Variants in HGS observed in about 807,000 individuals in gnomAD.
HGS encodes hepatocyte growth factor-regulated tyrosine kinase substrate.
HGS carries 63 observed loss-of-function variants against 109.7 expected under a neutral mutation model. That is an observed-to-expected ratio of 0.57 (90% CI 0.47 to 0.71). HGS has a LOEUF of 0.71. Ranked by LOEUF, HGS falls within the 30% of genes least tolerant of loss-of-function variation. HGS has a pLI of 0.00. For synonymous variants in HGS, 546 were observed against 437.3 expected, an observed-to-expected ratio of 1.25 and a Z score of -3.10; for missense variants, 995 against 1,068.3, an observed-to-expected ratio of 0.93 and a Z score of 0.96.
rs1303208987 is a variant in HGS at position 81,691,659 on chromosome 17, C to T, written c.662+88C>T. 6.5e-7 allele frequency: 1 copy of T among 1,530,638 alleles called. No individual in the cohort carries two copies. Among genetic ancestry groups the T allele is most frequent in the Non-Finnish European group, 9.0e-7 (1 of 1,114,266 alleles). The allele number at this position is 1,530,638 out of a possible 1,614,324, so 94.8% of individuals were successfully genotyped here. A position where few individuals can be genotyped will look rare whatever the true frequency, so the allele number is the denominator to read the frequency against. On this transcript the variant is annotated intron_variant, in intron 8 of 21. Transcript: ENST00000329138. The surrounding 1 kb of genome is among the most constrained non-coding windows in gnomAD (Gnocchi z 5.3). Reference sequence around the variant, plus strand: ...CCCTCTTGGCCATGGTGCCTGAGGCCTGCAGACCCCAGAGGACCCTCACAG... The same window carrying T: ...CCCTCTTGGCCATGGTGCCTGAGGCTTGCAGACCCCAGAGGACCCTCACAG...
Position 81,701,452 on chromosome 17 carries a change from C to T in HGS, c.2224-56C>T. On this transcript the variant is annotated intron_variant, in intron 21 of 21. Coordinates refer to ENST00000329138, the MANE Select transcript of HGS (RefSeq NM_004712.5). ...GTGGCTCTGCTGGGACAAAAGCCTTCCTCCCTGGGCTGGGGAAGGGAGGAC... is the reference window on the plus strand; with the variant it reads ...GTGGCTCTGCTGGGACAAAAGCCTTTCTCCCTGGGCTGGGGAAGGGAGGAC... 1.5e-5 allele frequency: 22 copies of T among 1,498,270 alleles called. No homozygotes were observed. In the South Asian group the frequency reaches 2.4e-4, roughly 16 times the overall value. The allele number at this position is 1,498,270 out of a possible 1,614,324, so 92.8% of individuals were successfully genotyped here.
intron 15 of HGS, 131 bp from the exon 16 acceptor site, chr17:81,696,226 C>T: frequency 2.4e-6 from 3 of 1,259,280 alleles, no homozygotes; most frequent in Admixed American, 5.7e-5. Flanking sequence ...CTGCCTCCCC[C>T]AGAGCCCAGC....
At position 81,701,821 on chromosome 17, in the gene HGS, C is replaced by T. The variant is rs2037243005; in HGVS notation, c.*203C>T. On this transcript the variant is annotated 3_prime_UTR_variant, in exon 22 of 22. Coordinates refer to ENST00000329138, the MANE Select transcript of HGS (RefSeq NM_004712.5). ...TGAGTTAGTCTCTGCTTTCTTTCCC[C>T]AGGGCTGGGCCATGGGGAGGGAAGG... 1 of 722,634 alleles carries T rather than the reference C, an allele frequency of 1.4e-6. No individual in the cohort carries two copies. Among genetic ancestry groups the T allele is most frequent in the Non-Finnish European group, 2.1e-6 (1 of 483,406 alleles). 44.8% of individuals were successfully genotyped at this position (722,634 alleles called of 1,614,324 possible).
In HGS at chr17:81,691,314, C is replaced by G; in HGVS notation, c.538-133C>G. 2.7e-6 allele frequency: 3 copies of G among 1,121,366 alleles called. No homozygotes were observed. The highest frequency in any genetic ancestry group is 3.9e-6 in the Non-Finnish European group (3 of 765,382). 69.5% of individuals were successfully genotyped at this position (1,121,366 alleles called of 1,614,324 possible). A position where few individuals can be genotyped will look rare whatever the true frequency, so the allele number is the denominator to read the frequency against. ...CCCGGCCTTAGGGTCTTCCCAGGCA[C>G]TTGTTCTGCTTGTCCCTTGCCTTCC... On this transcript the variant is annotated intron_variant, in intron 7 of 21. Transcript: ENST00000329138. The surrounding 1 kb of genome is among the most constrained non-coding windows in gnomAD (Gnocchi z 5.3).
intron 18 of HGS, among the ~76,000 whole-genome samples, chr17:81,700,178 A>G (rs1185821439): frequency 6.6e-6 from 1 of 151,870 alleles, no homozygotes; most frequent in Non-Finnish European, 1.5e-5. Context: ...AATCCTGGCC[A>G]ACATGATGAA....
rs1247706914 is a variant in HGS, at chr17:81,691,911, G to A, written c.662+340G>A. 2.4e-5 allele frequency: 5 copies of A among 211,264 alleles called. No homozygotes were observed. Among genetic ancestry groups the A allele is most frequent in the South Asian group, 9.1e-5 (1 of 11,008 alleles). The allele number at this position is 211,264 out of a possible 1,614,324, so 13.1% of individuals were successfully genotyped here. Reference sequence around the variant, plus strand: ...AGTAGCACAGAGAAGCTGCGGGGCCGCGGCCAGTGCCTCAGCGGTGGGAAC... The same window carrying A: ...AGTAGCACAGAGAAGCTGCGGGGCCACGGCCAGTGCCTCAGCGGTGGGAAC... On this transcript the variant is annotated intron_variant, in intron 8 of 21. Coordinates refer to ENST00000329138, the MANE Select transcript of HGS (RefSeq NM_004712.5). This position sits in a 1 kb window ranked among gnomAD's most constrained non-coding sequence, Gnocchi z 5.3.
intron 18 of HGS, among the ~76,000 whole-genome samples, chr17:81,698,693 G>C (rs576873547): frequency 1.3e-5 from 2 of 152,324 alleles, no homozygotes; most frequent in South Asian, 4.1e-4. Context: ...GACAGAGCTG[G>C]AAAGTGTGTA....
Position 81,690,213 on chromosome 17 carries a change from T to C in HGS, c.447T>C (p.Asp149=), listed in dbSNP as rs1217933385. The change falls in exon 6 of 22, where the codon GAT becomes GAC. Residue 149 remains aspartate, a synonymous_variant. Transcript: ENST00000329138. ...GHVFPEFKES[D]AMFAAERAPD... The stretch of plus-strand genomic sequence containing the variant: ...TCTTTCCAGAATTCAAAGAGAGCGA[T>C]GCCATGTTTGCTGCCGAGAGAGTGA... 1 of 1,613,748 alleles carries C rather than the reference T, an allele frequency of 6.2e-7. No homozygotes were observed. Among genetic ancestry groups the C allele is most frequent in the African/African-American group, 1.3e-5 (1 of 74,914 alleles).
At chr17:81,686,979 C>T in intron 3 of HGS, 24 bp from the exon 4 acceptor site, 1 of 1,601,408 alleles carries the variant, frequency 6.2e-7, no homozygotes, top group African/African-American at 1.3e-5. Flanking sequence ...CTGGCCCAAC[C>T]CTTCCCTTCC....
Position 81,696,676 on chromosome 17 carries a change from C to G in HGS, c.1636C>G (p.Arg546Gly). 1 of 1,611,462 alleles carries G rather than the reference C, an allele frequency of 6.2e-7. No individual in the cohort carries two copies. Residue 546 changes from arginine to glycine, a missense_variant, in exon 17 of 22, where the codon CGG (arginine) becomes GGG (glycine). Around this residue, in one of 6 missense-constraint regions of HGS, gnomAD observed 163 missense variants for 217.8 expected, o/e 0.75. Transcript: ENST00000329138. The stretch of plus-strand genomic sequence containing the variant: ...GGAGCAGGAGAAGGAGCGGCAGATG[C>G]GGCTGGAGCAGCAGAAGCAGACGGT... ...LQEQEKERQM[R>G]LEQQKQTVQM... is the part of the protein sequence containing the mutation.
At position 81,693,973 on chromosome 17, in the gene HGS, G is replaced by T; in HGVS notation, c.936+8G>T. 1 of 1,601,600 alleles carries T rather than the reference G, an allele frequency of 6.2e-7. No homozygotes were observed. ...CTGTACTCTTCACCTGTGGTGAGCG[G>T]CCCTTGGGCTGGAGCTCCCTCTCCT... is the stretch of plus-strand genomic sequence containing the variant. On this transcript the variant is annotated splice_region_variant and intron_variant, in intron 11 of 21. Coordinates refer to ENST00000329138, the MANE Select transcript of HGS (RefSeq NM_004712.5).
chr17:81,695,341 G>C (rs1253175193), intron 14 of HGS, 118 bp downstream of exon 14: 3 of 1,121,734 alleles, frequency 2.7e-6, no homozygotes, highest in Non-Finnish European at 3.9e-6. Flanking sequence ...AAGGGTGTCT[G>C]CCCCAGCCCA....
intron 4 of HGS, among the ~76,000 whole-genome samples, chr17:81,688,076 A>G (rs1410757540): frequency 1.3e-5 from 2 of 152,118 alleles, no homozygotes; most frequent in African/African-American, 4.8e-5. Flanking sequence ...GGGGTTCTGG[A>G]AAGGAGCTTA....
rs563334336 is a variant in HGS, at chr17:81,691,248, CGGT to C, written c.538-196_538-194del. Reference sequence around the variant, plus strand: ...TTAACTTACCTTATTTTCCCCAAAACGGTGGCTGGCGTTGAGACTCCCGGGAGC... The same window carrying C: ...TTAACTTACCTTATTTTCCCCAAAACGGCTGGCGTTGAGACTCCCGGGAGC... On this transcript the variant is annotated intron_variant, in intron 7 of 21. Coordinates refer to ENST00000329138, the MANE Select transcript of HGS (RefSeq NM_004712.5). The surrounding 1 kb of genome is among the most constrained non-coding windows in gnomAD (Gnocchi z 5.3). 3,310 of 611,228 alleles carry C rather than the reference CGGT, an allele frequency of 5.4e-3. 21 individuals carry two copies. The highest frequency in any genetic ancestry group is 8.2e-3 in the Middle Eastern group (18 of 2,184). 37.9% of individuals were successfully genotyped at this position (611,228 alleles called of 1,614,324 possible).
Position 81,701,564 on chromosome 17 carries a change from G to T in HGS, c.2280G>T (p.Gln760His). ...AGCCCCCCGTGGCCCAGCAACCGCA[G>T]GCACAGGGGCCGCCGGCACAGGGCA... Reference protein sequence around the residue: ...QQQPPVAQQPQAQGPPAQGSE... With the variant: ...QQQPPVAQQPHAQGPPAQGSE... The change falls in exon 22 of 22, where the codon CAG (glutamine) becomes CAT (histidine). Residue 760 changes from glutamine to histidine, a missense_variant. Gln to His is a conservative substitution (Grantham distance 24). This residue lies in a region of HGS where 326 missense variants were observed against 309.7 expected (regional missense o/e 1.05). Transcript: ENST00000329138. 1 of 1,572,134 alleles carries T rather than the reference G, an allele frequency of 6.4e-7. No individual in the cohort carries two copies. Among genetic ancestry groups the T allele is most frequent in the East Asian group, 2.3e-5 (1 of 42,992 alleles).
At chr17:81,690,339 G>A (rs1333114655) in intron 6 of HGS, 105 bp downstream of exon 6, 17 of 1,179,482 alleles carry the variant, frequency 1.4e-5, no homozygotes, top group Admixed American at 5.3e-5. Context: ...CTGAGCTCTC[G>A]TCTGTCTGGG....
At chr17:81,701,310 C>G (rs868265043) in intron 21 of HGS, 179 bp downstream of exon 21, 3 of 787,238 alleles carry the variant, frequency 3.8e-6, no homozygotes, top group Non-Finnish European at 6.1e-6. Flanking sequence ...AGGGCAGATA[C>G]GCGCATCCGC....
At chr17:81,686,264 C>A (rs1344426681) in intron 2 of HGS, 48 bp from the exon 3 acceptor site, 3 of 1,503,240 alleles carry the variant, frequency 2.0e-6, no homozygotes, top group Non-Finnish European at 2.8e-6. Flanking sequence ...GTTGCTGAGA[C>A]TATTTTTTTC....
chr17:81,695,290 T>C, intron 14 of HGS, 67 bp downstream of exon 14: 1 of 1,527,890 alleles, frequency 6.5e-7, no homozygotes, highest in Non-Finnish European at 9.1e-7. Context: ...GCCAGGCACA[T>C]GGCACAGGTG....
Sources: allele counts gnomAD v4.1 joint callset (sites outside exome capture counted in the v4.1 genomes callset), GRCh38; gene constraint gnomAD v4.1.1; regional missense constraint gnomAD v4.1.1; non-coding constraint Gnocchi (gnomAD v3.1); transcripts MANE v1.5; gene names NCBI Gene and HGNC (gene_info 2026-07-23, HGNC 2026-07-21).